Variants in SLC25A6 observed in about 807,000 individuals in gnomAD.
The protein encoded by SLC25A6 is solute carrier family 25 member 6, also known as ADP/ATP translocase 3.
In SLC25A6, 9 loss-of-function variants were observed where a neutral mutation model predicts 25.7. The ratio of observed to expected loss-of-function variants is 0.35; its 90% CI spans 0.21 to 0.61. The LOEUF (loss-of-function observed/expected upper bound fraction) is 0.61, where lower values mean the gene tolerates loss of function less well. SLC25A6 is among the 20% of genes least tolerant of loss of function. The probability of loss-of-function intolerance (pLI) is 0.76; values close to 1 mark genes in which losing one functional copy is unlikely to be tolerated. For synonymous variants in SLC25A6, 223 were observed against 197.0 expected, an observed-to-expected ratio of 1.13 and a Z score of -1.11; for missense variants, 404 against 440.5, an observed-to-expected ratio of 0.92 and a Z score of 0.74.
chrX:1,389,240 C>G lies in SLC25A6; in HGVS notation c.598+1G>C. The G allele has an allele frequency of 6.2e-7, 1 of 1,610,818 alleles. No individual in the cohort carries two copies. The highest frequency in any genetic ancestry group is 8.5e-7 in the Non-Finnish European group (1 of 1,177,444). ...GACTTCGCGATGGCAGCCACACGTA[C>G]CCTTGGCCGTATCGTACACGCCGAA... On this transcript the variant is annotated splice_donor_variant, in intron 2 of 3. Coordinates refer to ENST00000381401, the MANE Select transcript of SLC25A6 (RefSeq NM_001636.4). LOFTEE classifies it high-confidence loss of function.
chrX:1,388,140 CAG>C (rs1358351647), intron 2 of SLC25A6, among the ~76,000 whole-genome samples: 3 of 151,956 alleles, frequency 2.0e-5, no homozygotes, highest in Non-Finnish European at 2.9e-5. Context: ...CAGACACACA[CAG>C]AGGGATGACC....
At chrX:1,387,086 T>C (rs2089335014) in intron 3 of SLC25A6, among the ~76,000 whole-genome samples, 193 bp downstream of exon 3, 1 of 152,060 alleles carries the variant, frequency 6.6e-6, no homozygotes, top group Non-Finnish European at 1.5e-5. Context: ...GCCCGGACCA[T>C]GAAACCCCAA....
Position 1,389,441 on chromosome X carries a change from G to A in SLC25A6, c.398C>T (p.Pro133Leu), listed in dbSNP as rs776487550. The change falls in exon 2 of 4, where the codon CCG becomes CTG. Residue 133 changes from proline (P) to leucine (L), a missense_variant. Transcript: ENST00000381401. Reference sequence around the variant, plus strand: ...CAGGCGGGTTCTGGCGAAATCCAGCGGGTACACGAAGCAGAGGGAGGTCGC... The same window carrying A: ...CAGGCGGGTTCTGGCGAAATCCAGCAGGTACACGAAGCAGAGGGAGGTCGC... The part of the protein sequence containing the change: ...AGATSLCFVY[P>L]LDFARTRLAA... 7.4e-6 allele frequency: 12 copies of A among 1,613,762 alleles called. No homozygotes were observed. Among genetic ancestry groups the A allele is most frequent in the East Asian group, 2.2e-5 (1 of 44,902 alleles).
chrX:1,386,484 C>A lies in SLC25A6; in HGVS notation c.*118G>T, dbSNP rs1331517142. The A allele has an allele frequency of 5.4e-6, 7 of 1,295,366 alleles. No individual in the cohort carries two copies. In the East Asian group the frequency reaches 2.0e-4, roughly 37 times the overall value. The allele number at this position is 1,295,366 out of a possible 1,614,324, so 80.2% of individuals were successfully genotyped here. A position where few individuals can be genotyped will look rare whatever the true frequency, so the allele number is the denominator to read the frequency against. The stretch of plus-strand genomic sequence containing the variant: ...TCCCCGGCCATCTACAGGCAGGATG[C>A]GGCTGGGAAAAAGACAACTGGAATT... On this transcript the variant is annotated 3_prime_UTR_variant, in exon 4 of 4. Coordinates refer to ENST00000381401, the MANE Select transcript of SLC25A6 (RefSeq NM_001636.4).
At chrX:1,391,159 C>T (rs1333378503) in intron 1 of SLC25A6, among the ~76,000 whole-genome samples, 2 of 151,874 alleles carry the variant, frequency 1.3e-5, no homozygotes, top group East Asian at 3.9e-4. Flanking sequence ...GAGGTGAGGT[C>T]TTGCTGTGTG....
intron 3 of SLC25A6, among the ~76,000 whole-genome samples, chrX:1,386,985 C>A (rs1251634496): frequency 6.6e-6 from 1 of 152,052 alleles, no homozygotes; most frequent in African/African-American, 2.4e-5. Context: ...TGGGTGTCCC[C>A]CATCTCCACC....
chrX:1,390,017 T>C (rs2089381098), intron 1 of SLC25A6, among the ~76,000 whole-genome samples: 2 of 152,084 alleles, frequency 1.3e-5, no homozygotes, highest in African/African-American at 2.4e-5. Context: ...ACCCGGCTCT[T>C]TCTTTTTTTA....
chrX:1,389,756 G>A, intron 1 of SLC25A6, 29 bp from the exon 2 acceptor site: 1 of 1,602,538 alleles, frequency 6.2e-7, no homozygotes, highest in South Asian at 1.1e-5. Context: ...GTTCAGACCA[G>A]ACCCAGGGCC....
chrX:1,388,664 A>C (rs746866802), intron 2 of SLC25A6, among the ~76,000 whole-genome samples: 11 of 152,240 alleles, frequency 7.2e-5, no homozygotes, highest in African/African-American at 2.6e-4. Context: ...CCTCAGGAGG[A>C]ACCAGCCCTG....
intron 3 of SLC25A6, 129 bp from the exon 4 acceptor site, chrX:1,386,888 A>G (rs1263304161): frequency 4.3e-6 from 5 of 1,162,506 alleles, no homozygotes. Context: ...TGATTACAGG[A>G]GGGATACCTG....
Position 1,389,617 on chromosome X carries a change from G to A in SLC25A6, c.222C>T (p.Asn74=). 5 of 1,614,142 alleles carry A rather than the reference G, an allele frequency of 3.1e-6. No homozygotes were observed. Among genetic ancestry groups the A allele is most frequent in the African/African-American group, 1.3e-5 (1 of 75,040 alleles). Residue 74 remains asparagine, a synonymous_variant, in exon 2 of 4, where the codon AAC becomes AAT. Coordinates refer to ENST00000381401, the MANE Select transcript of SLC25A6 (RefSeq NM_001636.4). ...EQGVLSFWRG[N]LANVIRYFPT... Reference sequence around the variant, plus strand: ...GGAAGTAGCGAATGACGTTGGCAAGGTTGCCCCTCCAGAAGGACAGCACGC... The same window carrying A: ...GGAAGTAGCGAATGACGTTGGCAAGATTGCCCCTCCAGAAGGACAGCACGC...
At position 1,386,711 on chromosome X, in the gene SLC25A6, C is replaced by G; in HGVS notation, c.788G>C (p.Arg263Thr). 2 of 1,612,900 alleles carry G rather than the reference C, an allele frequency of 1.2e-6. No individual in the cohort carries two copies. Among genetic ancestry groups the G allele is most frequent in the Non-Finnish European group, 1.7e-6 (2 of 1,179,260 alleles). ...GAAGAAGGCCTTGCCCCCCTCATCTCTGAAGATCTTCCTCCAACAGTCGAC... is the reference window on the plus strand; with the variant it reads ...GAAGAAGGCCTTGCCCCCCTCATCTGTGAAGATCTTCCTCCAACAGTCGAC... ...GTVDCWRKIF[R>T]DEGGKAFFKG... Residue 263 changes from arginine to threonine, a missense_variant, in exon 4 of 4, where the codon AGA (arginine) becomes ACA (threonine). Transcript: ENST00000381401.
At chrX:1,388,412 A>C (rs4548374) in intron 2 of SLC25A6, among the ~76,000 whole-genome samples, 48,954 of 145,286 alleles carry the variant, frequency 0.34, 8,071 homozygotes, top group Admixed American at 0.39. Flanking sequence ...GGGAAGACGG[A>C]GTCTCCAAGC....
Position 1,386,598 on chromosome X carries a change from G to A in SLC25A6, c.*4C>T. On this transcript the variant is annotated 3_prime_UTR_variant, in exon 4 of 4. Transcript: ENST00000381401. Reference sequence around the variant, plus strand: ...GTGTGTGTGTGTGGAGGAGGCCGCGGCCCTTAGATCACCTTCTTGAGCTCG... The same window carrying A: ...GTGTGTGTGTGTGGAGGAGGCCGCGACCCTTAGATCACCTTCTTGAGCTCG... 2 of 1,550,008 alleles carry A rather than the reference G, an allele frequency of 1.3e-6. No homozygotes were observed. The highest frequency in any genetic ancestry group is 8.7e-7 in the Non-Finnish European group (1 of 1,152,030).
In SLC25A6 at chrX:1,386,689, G is replaced by C. The variant is rs2089329134; in HGVS notation, c.810C>G (p.Phe270Leu). 6.2e-7 allele frequency: 1 copy of C among 1,613,190 alleles called. No individual in the cohort carries two copies. The highest frequency in any genetic ancestry group is 1.1e-5 in the South Asian group (1 of 90,994). The part of the protein sequence containing the change: ...KIFRDEGGKA[F>L]FKGAWSNVLR... ...GGACGTTGGACCACGCACCCTTGAA[G>C]AAGGCCTTGCCCCCCTCATCTCTGA... Residue 270 changes from phenylalanine to leucine, a missense_variant, in exon 4 of 4, where the codon TTC becomes TTG. By Grantham distance (22) the Phe-to-Leu change is conservative. Transcript: ENST00000381401.
At position 1,389,497 on chromosome X, in the gene SLC25A6, C is replaced by T. The variant is rs747969741; in HGVS notation, c.342G>A (p.Ala114=). 16 of 1,613,994 alleles carry T rather than the reference C, an allele frequency of 9.9e-6. No individual in the cohort carries two copies. The highest frequency in any genetic ancestry group is 1.7e-4 in the Middle Eastern group (1 of 6,044). Residue 114 remains alanine, a synonymous_variant, in exon 2 of 4, where the codon GCG becomes GCA. Transcript: ENST00000381401. Reference sequence around the variant, plus strand: ...CCGCACCGCCGGAGGCCAGGTTGCCCGCAAAGTACCTCCAGAACTGCGTGT... The same window carrying T: ...CCGCACCGCCGGAGGCCAGGTTGCCTGCAAAGTACCTCCAGAACTGCGTGT... ...DKHTQFWRYF[A]GNLASGGAAG...
chrX:1,390,012 G>C (rs1471195090), intron 1 of SLC25A6, among the ~76,000 whole-genome samples: 2 of 151,914 alleles, frequency 1.3e-5, no homozygotes, highest in Non-Finnish European at 2.9e-5. Context: ...ACCGCACCCG[G>C]CTCTTTCTTT....
chrX:1,389,902 C>T lies in SLC25A6; in HGVS notation c.112-175G>A, dbSNP rs2089379288. ...CCTCCCGAGTAGCTGGGACTATAGG[C>T]GCCCACCACCACGCCCGGCTAATTT... On this transcript the variant is annotated intron_variant, in intron 1 of 3. Coordinates refer to ENST00000381401, the MANE Select transcript of SLC25A6 (RefSeq NM_001636.4). Among the ~76,000 whole-genome samples, 4 of 151,962 alleles carry T rather than the reference C, an allele frequency of 2.6e-5. No individual in the cohort carries two copies. In the South Asian group the frequency reaches 6.2e-4, roughly 24 times the overall value.
rs2089423088 is a variant in SLC25A6, at chrX:1,392,098, C to T, written c.-89G>A. Reference sequence around the variant, plus strand: ...GGCGTCGCTGGCTCAGCCCTGCCGCCGCCTGGACCGAAAGGACGGAGCAGC... The same window carrying T: ...GGCGTCGCTGGCTCAGCCCTGCCGCTGCCTGGACCGAAAGGACGGAGCAGC... On this transcript the variant is annotated 5_prime_UTR_variant, in exon 1 of 4. Transcript: ENST00000381401. 3 of 958,960 alleles carry T rather than the reference C, an allele frequency of 3.1e-6. No individual in the cohort carries two copies. The highest frequency in any genetic ancestry group is 2.8e-5 in the East Asian group (1 of 36,028). The allele number at this position is 958,960 out of a possible 1,614,324, so 59.4% of individuals were successfully genotyped here.
Sources: allele counts gnomAD v4.1 joint callset (sites outside exome capture counted in the v4.1 genomes callset), GRCh38; gene constraint gnomAD v4.1.1; transcripts MANE v1.5; gene names NCBI Gene and HGNC (gene_info 2026-07-23, HGNC 2026-07-21).